Variants in VPS13B observed in about 807,000 individuals in gnomAD.
The protein encoded by VPS13B is intermembrane lipid transfer protein VPS13B.
A neutral mutation model predicts 426.4 loss-of-function variants in VPS13B; 285 were observed. That is an observed-to-expected ratio of 0.67 (90% confidence interval 0.61 to 0.74). The LOEUF is 0.74. Among genes scored for constraint, VPS13B ranks in the 30% least tolerant of loss-of-function variants. The pLI is 0.00. For missense variants in VPS13B, 4,537 were observed against 4,782.6 expected (o/e 0.95, Z 1.51); for synonymous variants, 1,676 against 1,676.4 (o/e 1.00, Z 0.01).
At chr8:99,201,918 T>C (rs1814354263) in intron 17 of VPS13B, among the ~76,000 whole-genome samples, 1 of 152,222 alleles carries the variant, frequency 6.6e-6, no homozygotes, top group Admixed American at 6.5e-5. Flanking sequence ...CATTAAGTTT[T>C]AGTTAATTTT....
chr8:99,219,958 G>A (rs1464275424), intron 17 of VPS13B, among the ~76,000 whole-genome samples: 1 of 152,178 alleles, frequency 6.6e-6, no homozygotes, highest in African/African-American at 2.4e-5. Flanking sequence ...CGAGCCAGTT[G>A]TAATGTCTCT....
chr8:99,581,792 A>G lies in VPS13B; in HGVS notation c.5220+4159A>G, dbSNP rs141672357. ...GCGTTATGACAGGCTGAGAAATTAC[A>G]TAAAAGAAACAAATTTAATATTCAA... On this transcript the variant is annotated intron_variant, in intron 33 of 61. Transcript: ENST00000357162. Among the ~76,000 whole-genome samples, 1,021 of 152,356 alleles carry G rather than the reference A, an allele frequency of 6.7e-3. 9 individuals carry two copies. Among genetic ancestry groups the G allele is most frequent in the African/African-American group, 0.023 (961 of 41,588 alleles).
At chr8:99,049,227 T>C (rs1843394704) in intron 3 of VPS13B, among the ~76,000 whole-genome samples, 1 of 152,190 alleles carries the variant, frequency 6.6e-6, no homozygotes, top group Admixed American at 6.5e-5. Flanking sequence ...CTTTTTTTTT[T>C]TCAAATTGTA....
intron 17 of VPS13B, among the ~76,000 whole-genome samples, chr8:99,268,862 A>G (rs539710241): frequency 6.6e-6 from 1 of 152,130 alleles, no homozygotes; most frequent in Non-Finnish European, 1.5e-5. Flanking sequence ...CTTGAATTGT[A>G]GTTCCCATAA....
chr8:99,790,598 A>G (rs1476091612), intron 43 of VPS13B, among the ~76,000 whole-genome samples: 1 of 152,208 alleles, frequency 6.6e-6, no homozygotes, highest in Non-Finnish European at 1.5e-5. Context: ...TAGGGAAGAA[A>G]TGCCAGGGAA....
chr8:99,056,966 A>C (rs1843909107), intron 3 of VPS13B, among the ~76,000 whole-genome samples: 1 of 151,900 alleles, frequency 6.6e-6, no homozygotes, highest in Admixed American at 6.6e-5. Context: ...TAAATATTTT[A>C]TTTCCTTTGG....
chr8:99,206,831 C>T (rs1814753456), intron 17 of VPS13B, among the ~76,000 whole-genome samples: 1 of 152,050 alleles, frequency 6.6e-6, no homozygotes, highest in African/African-American at 2.4e-5. Context: ...CCTCTGTTTT[C>T]AAACTACTTC....
chr8:99,089,812 G>C (rs1035076115), intron 3 of VPS13B, among the ~76,000 whole-genome samples: 1 of 152,136 alleles, frequency 6.6e-6, no homozygotes, highest in Non-Finnish European at 1.5e-5. Context: ...ATTCTCTACA[G>C]AATATAGATT....
intron 19 of VPS13B, among the ~76,000 whole-genome samples, chr8:99,353,602 C>CAA (rs200551748): frequency 5.4e-4 from 59 of 108,754 alleles, no homozygotes; most frequent in African/African-American, 1.0e-3. Flanking sequence ...AGACTTCTTT[C>CAA]AAAAAAAAAA....
intron 3 of VPS13B, among the ~76,000 whole-genome samples, chr8:99,058,080 C>T (rs1843979330): frequency 6.6e-6 from 1 of 151,954 alleles, no homozygotes; most frequent in Admixed American, 6.6e-5. Flanking sequence ...CAGGTGTTCC[C>T]AAGTTTTTTC....
intron 23 of VPS13B, among the ~76,000 whole-genome samples, chr8:99,447,921 A>G (rs1182754099): frequency 6.6e-6 from 1 of 151,802 alleles, no homozygotes; most frequent in Non-Finnish European, 1.5e-5. Context: ...AGTGCCCATC[A>G]TTCTTTATAC....
At position 99,672,277 on chromosome 8, in the gene VPS13B, A is replaced by G. The variant is rs553888506; in HGVS notation, c.6046+10786A>G. ...ATTAATTCTTCCAGTTCATGAACAC[A>G]GGATATCTTTCCATTGATCACCGTT... On this transcript the variant is annotated intron_variant, in intron 35 of 61. Coordinates refer to ENST00000357162, the MANE Select transcript of VPS13B (RefSeq NM_152564.5). Among the ~76,000 whole-genome samples the G allele has an allele frequency of 6.0e-4, 91 of 152,292 alleles. 1 individual carries two copies. Among genetic ancestry groups the G allele is most frequent in the African/African-American group, 2.1e-3 (89 of 41,586 alleles).
intron 25 of VPS13B, among the ~76,000 whole-genome samples, chr8:99,482,897 CA>C (rs1458554996): frequency 6.6e-6 from 1 of 152,040 alleles, no homozygotes; most frequent in African/African-American, 2.4e-5. Flanking sequence ...ATTGAGTCAA[CA>C]AAAAATACCC....
At chr8:99,291,957 T>C (rs532513517) in intron 19 of VPS13B, among the ~76,000 whole-genome samples, 1 of 152,226 alleles carries the variant, frequency 6.6e-6, no homozygotes, top group Admixed American at 6.5e-5. Context: ...TTTCAGAATA[T>C]TCAGATAAGT....
chr8:99,407,742 A>T (rs1407784974), intron 21 of VPS13B, among the ~76,000 whole-genome samples: 1 of 152,054 alleles, frequency 6.6e-6, no homozygotes, highest in East Asian at 1.9e-4. Context: ...ATATGTATAC[A>T]TGTGCCATGT....
rs766116651 is a variant in VPS13B at position 99,778,861 on chromosome 8, G to A, written c.7609G>A (p.Val2537Ile). ...CTGTAAACTTCTAGAGTGCAGAAAT[G>A]TCACTATGCAAAGTGTGGTGAAACC... ...ADCKLLECRN[V>I]TMQSVVKPFS... is the part of the protein sequence containing the mutation. The change falls in exon 42 of 62, where the codon GTC (valine) becomes ATC (isoleucine). Residue 2537 changes from valine to isoleucine, a missense_variant. Transcript: ENST00000357162. 5 of 1,614,034 alleles carry A rather than the reference G, an allele frequency of 3.1e-6. No homozygotes were observed. The South Asian group carries it at 4.4e-5, about 14-fold the overall frequency.
At chr8:99,819,350 A>G (rs1441605450) in intron 47 of VPS13B, 62 bp from the exon 48 acceptor site, 3 of 1,579,168 alleles carry the variant, frequency 1.9e-6, no homozygotes, top group African/African-American at 1.4e-5. Flanking sequence ...ATATTTTTCA[A>G]TAAATTATAT....
chr8:99,040,057 G>T (rs1428856555), intron 3 of VPS13B, among the ~76,000 whole-genome samples: 7 of 151,340 alleles, frequency 4.6e-5, no homozygotes, highest in African/African-American at 1.5e-4. Flanking sequence ...TCTGGACTTG[G>T]TTATACCACC....
Position 99,589,188 on chromosome 8 carries a change from G to C in VPS13B, c.5220+11555G>C, listed in dbSNP as rs1016515319. On this transcript the variant is annotated intron_variant, in intron 33 of 61. Transcript: ENST00000357162. ...GGATAAACTTTTTGATGTGCTGCTGGATTTGATTTTCCAGTATTTTTTTAT... is the reference window on the plus strand; with the variant it reads ...GGATAAACTTTTTGATGTGCTGCTGCATTTGATTTTCCAGTATTTTTTTAT... 1.3e-5 allele frequency among the ~76,000 whole-genome samples: 2 copies of C among 151,698 alleles called. 1 individual carries two copies. Among genetic ancestry groups the C allele is most frequent in the African/African-American group, 4.9e-5 (2 of 41,044 alleles).
Sources: gnomAD v4.1 joint callset for allele counts (sites outside exome capture counted in the v4.1 genomes callset) on GRCh38, gnomAD v4.1.1 for gene constraint, MANE v1.5 for transcripts, NCBI Gene and HGNC (gene_info 2026-07-23, HGNC 2026-07-21) for gene names.